TMEM135: variants seen among roughly 807,000 people sequenced by gnomAD.
The protein encoded by TMEM135 is peroxisomal membrane protein 52.
In TMEM135, 30 loss-of-function variants were observed where a neutral mutation model predicts 60.3. That is an observed-to-expected ratio of 0.50 (90% confidence interval 0.37 to 0.68). The LOEUF is 0.68. Among genes scored for constraint, TMEM135 ranks in the 30% least tolerant of loss-of-function variants. TMEM135 has a pLI of 0.00. For missense variants in TMEM135, 468 were observed against 548.8 expected (o/e 0.85, Z 1.47); for synonymous variants, 190 against 186.7 (o/e 1.02, Z -0.14).
intron 5 of TMEM135, among the ~76,000 whole-genome samples, chr11:87,186,735 T>C (rs536607641): frequency 6.6e-6 from 1 of 152,282 alleles, no homozygotes; most frequent in African/African-American, 2.4e-5. Context: ...AATATAAAGA[T>C]TTATAAAATT....
chr11:87,187,138 A>G (rs531611342), intron 5 of TMEM135, among the ~76,000 whole-genome samples: 3 of 152,100 alleles, frequency 2.0e-5, no homozygotes, highest in Non-Finnish European at 4.4e-5. Context: ...TTTGTGTCTC[A>G]TGGGGAGCTA....
At chr11:87,192,812 CT>C (rs1168657247) in intron 5 of TMEM135, among the ~76,000 whole-genome samples, 7 of 152,220 alleles carry the variant, frequency 4.6e-5, no homozygotes, top group Non-Finnish European at 7.4e-5. Flanking sequence ...GTGTATACTG[CT>C]TTTAATAAAT....
chr11:87,133,598 A>T (rs879636698), intron 4 of TMEM135, among the ~76,000 whole-genome samples: 2 of 152,200 alleles, frequency 1.3e-5, no homozygotes, highest in Admixed American at 6.5e-5. Context: ...ATACATTTTG[A>T]CATACATATA....
intron 4 of TMEM135, among the ~76,000 whole-genome samples, chr11:87,135,387 CCTAA>C (rs1263368750): frequency 6.6e-6 from 1 of 151,856 alleles, no homozygotes; most frequent in Non-Finnish European, 1.5e-5. Flanking sequence ...TACAGTTTGC[CCTAA>C]CTTTTATGTT....
intron 6 of TMEM135, among the ~76,000 whole-genome samples, chr11:87,282,410 A>G (rs1157576607): frequency 6.6e-6 from 1 of 152,088 alleles, no homozygotes; most frequent in Admixed American, 6.6e-5. Context: ...GATTACAGGC[A>G]CGAGCCACCA....
At chr11:87,054,214 C>T (rs941455298) in intron 1 of TMEM135, among the ~76,000 whole-genome samples, 2 of 152,012 alleles carry the variant, frequency 1.3e-5, no homozygotes, top group Admixed American at 6.5e-5. Flanking sequence ...GTGGGCAGAT[C>T]ACCTGAGGTC....
rs372427084 is a variant in TMEM135, at chr11:87,094,118, T to C, written c.396+2723T>C. On this transcript the variant is annotated intron_variant, in intron 4 of 14. Coordinates refer to ENST00000305494, the MANE Select transcript of TMEM135 (RefSeq NM_022918.4). Reference sequence around the variant, plus strand: ...TACAAGGAATTTCCATCGTGATCTTTCATTTATTTCTAAAATAATAGACTC... The same window carrying C: ...TACAAGGAATTTCCATCGTGATCTTCCATTTATTTCTAAAATAATAGACTC... 7.9e-5 allele frequency among the ~76,000 whole-genome samples: 12 copies of C among 152,308 alleles called. No individual in the cohort carries two copies. In the East Asian group the frequency reaches 2.1e-3, roughly 27 times the overall value.
chr11:87,073,823 A>G (rs950675728), intron 3 of TMEM135, among the ~76,000 whole-genome samples: 2 of 152,052 alleles, frequency 1.3e-5, no homozygotes, highest in African/African-American at 2.4e-5. Context: ...GCCTGCCACC[A>G]CGCCTGGCTA....
chr11:87,096,317 A>G (rs560752036), intron 4 of TMEM135: 2 of 250,158 alleles, frequency 8.0e-6, no homozygotes, highest in South Asian at 5.8e-5. Context: ...TTAGGTGTCA[A>G]AGAGTTTGGA....
intron 5 of TMEM135, 67 bp downstream of exon 5, chr11:87,157,473 T>C: frequency 7.5e-7 from 1 of 1,332,714 alleles, no homozygotes; most frequent in Non-Finnish European, 1.1e-6. Context: ...AAATATAAAA[T>C]GTGATGAAAT....
chr11:87,307,148 C>G (rs527617322), intron 9 of TMEM135, among the ~76,000 whole-genome samples: 1 of 152,212 alleles, frequency 6.6e-6, no homozygotes, highest in Admixed American at 6.5e-5. Context: ...CAAAAGACAG[C>G]CCCTTGGTGG....
At chr11:87,105,099 T>C (rs372916235) in intron 4 of TMEM135, among the ~76,000 whole-genome samples, 1 of 152,188 alleles carries the variant, frequency 6.6e-6, no homozygotes, top group Non-Finnish European at 1.5e-5. Flanking sequence ...CCTCTATACC[T>C]AATTTGTTGA....
intron 1 of TMEM135, among the ~76,000 whole-genome samples, chr11:87,062,033 T>C (rs952014653): frequency 2.0e-5 from 3 of 152,146 alleles, no homozygotes; most frequent in African/African-American, 7.2e-5. Context: ...TGAGACAAAG[T>C]CTCACTCTGT....
chr11:87,042,904 C>T (rs1486858323), intron 1 of TMEM135, among the ~76,000 whole-genome samples: 3 of 150,984 alleles, frequency 2.0e-5, no homozygotes, highest in African/African-American at 7.3e-5. Context: ...TGTGTTTTCA[C>T]AATTTGTAAA....
At chr11:87,123,186 C>T (rs1591036847) in intron 4 of TMEM135, among the ~76,000 whole-genome samples, 1 of 152,178 alleles carries the variant, frequency 6.6e-6, no homozygotes, top group African/African-American at 2.4e-5. Flanking sequence ...TTATCACAAA[C>T]GTGGTGGCTT....
chr11:87,289,283 G>A lies in TMEM135; in HGVS notation c.510-6499G>A, dbSNP rs191291488. Reference sequence around the variant, plus strand: ...ATCTGTAATCTCAAATATTTATCACGTCTTTGTATTGGGAATATTCAATAT... The same window carrying A: ...ATCTGTAATCTCAAATATTTATCACATCTTTGTATTGGGAATATTCAATAT... On this transcript the variant is annotated intron_variant, in intron 6 of 14. Coordinates refer to ENST00000305494, the MANE Select transcript of TMEM135 (RefSeq NM_022918.4). 1.0e-3 allele frequency among the ~76,000 whole-genome samples: 155 copies of A among 152,040 alleles called. 2 individuals carry two copies. Among genetic ancestry groups the A allele is most frequent in the Middle Eastern group, 3.4e-3 (1 of 294 alleles).
chr11:87,140,367 G>C (rs939713113), intron 4 of TMEM135, among the ~76,000 whole-genome samples: 1 of 152,106 alleles, frequency 6.6e-6, no homozygotes, highest in Non-Finnish European at 1.5e-5. Context: ...ACGCCCAGCT[G>C]CTTTTTCATT....
At chr11:87,158,193 C>T (rs953385305) in intron 5 of TMEM135, among the ~76,000 whole-genome samples, 18 of 152,036 alleles carry the variant, frequency 1.2e-4, no homozygotes, top group Admixed American at 8.5e-4. Flanking sequence ...CACAGAGTGC[C>T]GGCATTACAG....
intron 5 of TMEM135, among the ~76,000 whole-genome samples, chr11:87,184,773 C>T (rs1315613403): frequency 3.3e-5 from 5 of 152,082 alleles, no homozygotes; most frequent in East Asian, 1.9e-4. Context: ...GATGTTGTTA[C>T]ATACTCTTAT....
Sources: allele counts gnomAD v4.1 joint callset (sites outside exome capture counted in the v4.1 genomes callset), GRCh38; gene constraint gnomAD v4.1.1; transcripts MANE v1.5; gene names NCBI Gene and HGNC (gene_info 2026-07-23, HGNC 2026-07-21).